DLG2: variants seen among roughly 807,000 people sequenced by gnomAD.
DLG2 encodes the protein disks large homolog 2.
A neutral mutation model predicts 132.5 loss-of-function variants in DLG2; 45 were observed. That is an observed-to-expected ratio of 0.34 (90% CI 0.27 to 0.44). The LOEUF is 0.44. Ranked by LOEUF, DLG2 falls within the 20% of genes least tolerant of loss-of-function variation. The pLI is 1.00. For missense variants in DLG2, 1,045 were observed against 1,196.9 expected, an observed-to-expected ratio of 0.87 and a Z score of 1.87; for synonymous variants, 424 against 419.6, an observed-to-expected ratio of 1.01 and a Z score of -0.13.
At chr11:84,012,366 A>C (rs1468578252) in intron 11 of DLG2, among the ~76,000 whole-genome samples, 14 of 152,144 alleles carry the variant, frequency 9.2e-5, no homozygotes, top group Non-Finnish European at 1.3e-4. Context: ...GCAGGGAGTC[A>C]AGCTACTCTT....
chr11:84,064,956 C>T (rs2096648892), intron 10 of DLG2, among the ~76,000 whole-genome samples: 1 of 152,132 alleles, frequency 6.6e-6, no homozygotes. Context: ...TTGACAAAAA[C>T]AAGCAATGGG....
intron 19 of DLG2, among the ~76,000 whole-genome samples, chr11:83,593,242 C>G (rs2097218760): frequency 6.8e-6 from 1 of 148,046 alleles, no homozygotes; most frequent in Non-Finnish European, 1.5e-5. Context: ...TTGGAACCAA[C>G]CCAAATGTCC....
At chr11:85,062,705 A>T (rs2064297064) in intron 6 of DLG2, among the ~76,000 whole-genome samples, 1 of 151,782 alleles carries the variant, frequency 6.6e-6, no homozygotes, top group Admixed American at 6.6e-5. Flanking sequence ...TTTAAAAGTT[A>T]TATGTCACTA....
chr11:84,879,642 A>C (rs547320478), intron 6 of DLG2, among the ~76,000 whole-genome samples: 1 of 152,246 alleles, frequency 6.6e-6, no homozygotes, highest in African/African-American at 2.4e-5. Context: ...GGTATGAAGC[A>C]AAAGTACTGG....
chr11:85,125,393 G>A (rs1268060062), intron 5 of DLG2, among the ~76,000 whole-genome samples: 1 of 152,088 alleles, frequency 6.6e-6, no homozygotes, highest in African/African-American at 2.4e-5. Flanking sequence ...TGATTGGTAT[G>A]ATTCATATAA....
chr11:84,397,579 C>T (rs493294), intron 7 of DLG2, among the ~76,000 whole-genome samples: 149,296 of 152,334 alleles, frequency 0.98, 73,335 homozygotes, highest in Middle Eastern at 1. Flanking sequence ...TAGAAGTCAA[C>T]TGATGAAAGT....
intron 6 of DLG2, among the ~76,000 whole-genome samples, chr11:85,081,150 C>G (rs949470771): frequency 2.0e-5 from 3 of 152,148 alleles, no homozygotes; most frequent in Non-Finnish European, 4.4e-5. Flanking sequence ...TAAAGACCCT[C>G]TGCAGTGACT....
chr11:84,209,624 A>AT (rs2096724107), intron 8 of DLG2, among the ~76,000 whole-genome samples: 1 of 151,792 alleles, frequency 6.6e-6, no homozygotes, highest in South Asian at 2.1e-4. Context: ...AAATAAAAAA[A>AT]AAAATTTGTT....
intron 6 of DLG2, among the ~76,000 whole-genome samples, chr11:84,860,270 A>G (rs1044216128): frequency 6.6e-6 from 1 of 152,026 alleles, no homozygotes; most frequent in South Asian, 2.1e-4. Flanking sequence ...AATACTGTAA[A>G]CTCCTCAGGT....
At chr11:84,280,953 C>A (rs1193302651) in intron 7 of DLG2, among the ~76,000 whole-genome samples, 1 of 140,778 alleles carries the variant, frequency 7.1e-6, no homozygotes, top group Non-Finnish European at 1.5e-5. Flanking sequence ...GATTTCCTGA[C>A]CTCGTGATCC....
chr11:83,838,058 A>C (rs759729506), intron 16 of DLG2, among the ~76,000 whole-genome samples: 2 of 116,480 alleles, frequency 1.7e-5, no homozygotes, highest in Non-Finnish European at 3.4e-5. Context: ...ATATAGATGG[A>C]GGGAAGAGAG....
intron 3 of DLG2, among the ~76,000 whole-genome samples, chr11:85,526,530 A>T (rs1598278331): frequency 6.6e-6 from 1 of 152,242 alleles, no homozygotes; most frequent in African/African-American, 2.4e-5. Flanking sequence ...AATGTTAAAT[A>T]AAGTCATTCA....
rs1470203964 is a variant in DLG2, at chr11:83,995,855, T to C, written c.920-15213A>G. 3.9e-5 allele frequency among the ~76,000 whole-genome samples: 6 copies of C among 152,158 alleles called. 1 individual carries two copies. The highest frequency in any genetic ancestry group is 2.0e-4 in the Admixed American group (3 of 15,266). On this transcript the variant is annotated intron_variant, in intron 11 of 27. Transcript: ENST00000376104. ...GCATTAAAGACTTAAATCTAAGACC[T>C]GAAACCATGAAACTACTCTAAGAAA...
At chr11:85,132,806 C>A in intron 5 of DLG2, 1 of 456,678 alleles carries the variant, frequency 2.2e-6, no homozygotes, top group Non-Finnish European at 4.4e-6. Flanking sequence ...ATCCTGGATC[C>A]CTACACAGGA....
intron 6 of DLG2, among the ~76,000 whole-genome samples, chr11:84,653,580 G>T (rs1296103030): frequency 1.3e-5 from 2 of 152,062 alleles, no homozygotes; most frequent in Admixed American, 6.5e-5. Flanking sequence ...ACCTTGAACT[G>T]CCCTCACATG....
chr11:85,152,918 T>C (rs1018851797), intron 5 of DLG2, among the ~76,000 whole-genome samples: 2 of 152,200 alleles, frequency 1.3e-5, no homozygotes, highest in African/African-American at 2.4e-5. Flanking sequence ...AAGATTGTCT[T>C]TTTCAGCAGA....
chr11:84,236,628 G>T (rs1053508644), intron 8 of DLG2, among the ~76,000 whole-genome samples: 2 of 152,192 alleles, frequency 1.3e-5, no homozygotes, highest in African/African-American at 4.8e-5. Context: ...GAGCCTGAGG[G>T]CATGTGCCTT....
At chr11:83,678,992 TATG>T (rs1228047961) in intron 18 of DLG2, among the ~76,000 whole-genome samples, 4 of 151,990 alleles carry the variant, frequency 2.6e-5, no homozygotes, top group African/African-American at 9.7e-5. Context: ...GGATTAAACA[TATG>T]AGGAGAGGAA....
At chr11:83,707,802 T>G (rs1455036980) in intron 18 of DLG2, among the ~76,000 whole-genome samples, 2 of 152,220 alleles carry the variant, frequency 1.3e-5, no homozygotes, top group Non-Finnish European at 2.9e-5. Flanking sequence ...GTCTTAATCA[T>G]CTTTATATCC....
Sources: allele counts gnomAD v4.1 joint callset (sites outside exome capture counted in the v4.1 genomes callset), GRCh38; gene constraint gnomAD v4.1.1; transcripts MANE v1.5; gene names NCBI Gene and HGNC (gene_info 2026-07-23, HGNC 2026-07-21).